Variants in EYS observed in about 807,000 individuals in gnomAD.
The protein encoded by EYS is protein eyes shut homolog.
EYS carries 250 observed loss-of-function variants against 282.1 expected under a neutral mutation model. The observed-to-expected ratio is 0.89, with a 90% CI of 0.80 to 0.98. The LOEUF (loss-of-function observed/expected upper bound fraction) is 0.98, where lower values mean the gene tolerates loss of function less well. Among genes scored for constraint, EYS ranks in the 50% least tolerant of loss-of-function variants. The probability of loss-of-function intolerance (pLI) is 0.00; values close to 1 mark genes in which losing one functional copy is unlikely to be tolerated. For missense variants in EYS, 4,016 were observed against 3,709.0 expected (o/e 1.08, Z -2.15); for synonymous variants, 1,355 against 1,282.9 (o/e 1.06, Z -1.20).
intron 7 of EYS, among the ~76,000 whole-genome samples, chr6:65,398,132 A>T (rs1272696383): frequency 6.6e-6 from 1 of 151,700 alleles, no homozygotes; most frequent in Non-Finnish European, 1.5e-5. Flanking sequence ...GAGGTGTTTG[A>T]GTTTCTTGTA....
chr6:64,930,307 C>T (rs1768671230), intron 15 of EYS, among the ~76,000 whole-genome samples: 1 of 152,146 alleles, frequency 6.6e-6, no homozygotes, highest in South Asian at 2.1e-4. Context: ...TACCTACCCA[C>T]ACATATTTTG....
chr6:64,375,046 G>A (rs1323865068), intron 29 of EYS, among the ~76,000 whole-genome samples: 1 of 152,146 alleles, frequency 6.6e-6, no homozygotes, highest in South Asian at 2.1e-4. Flanking sequence ...AAGTACTAAG[G>A]TTTTGGAGTT....
intron 41 of EYS, among the ~76,000 whole-genome samples, chr6:63,756,598 T>C (rs1391237214): frequency 2.6e-5 from 4 of 152,168 alleles, no homozygotes; most frequent in Admixed American, 6.5e-5. Context: ...TTTTTTGTTG[T>C]GTCTCTGCCA....
intron 8 of EYS, among the ~76,000 whole-genome samples, chr6:65,363,087 T>C (rs1182356139): frequency 6.6e-6 from 1 of 152,020 alleles, no homozygotes; most frequent in African/African-American, 2.4e-5. Context: ...TCTCACATAC[T>C]ACATAGACTT....
At chr6:64,795,893 G>T (rs1414085277) in intron 22 of EYS, among the ~76,000 whole-genome samples, 1 of 152,148 alleles carries the variant, frequency 6.6e-6, no homozygotes, top group East Asian at 1.9e-4. Context: ...TGTACTGAGG[G>T]TTTATGCATT....
chr6:65,507,365 T>C (rs1378521628), intron 2 of EYS, among the ~76,000 whole-genome samples: 4 of 152,162 alleles, frequency 2.6e-5, no homozygotes, highest in Non-Finnish European at 2.9e-5. Flanking sequence ...TCTTTCATTT[T>C]CTGCAGTTTG....
chr6:65,004,631 G>A (rs1400342417), intron 13 of EYS, among the ~76,000 whole-genome samples: 2 of 147,608 alleles, frequency 1.4e-5, no homozygotes, highest in African/African-American at 4.9e-5. Context: ...AGCTTTGCAA[G>A]GTCCAAATTC....
chr6:65,020,506 G>T (rs1240503213), intron 13 of EYS, among the ~76,000 whole-genome samples: 2 of 152,190 alleles, frequency 1.3e-5, no homozygotes, highest in African/African-American at 2.4e-5. Flanking sequence ...TGTCCCTGTG[G>T]TTTTGCAGGG....
intron 30 of EYS, among the ~76,000 whole-genome samples, chr6:64,297,977 C>CAAA (rs34562408): frequency 3.5e-4 from 34 of 96,412 alleles, no homozygotes; most frequent in African/African-American, 8.8e-4. Context: ...GATTCTGTCT[C>CAAA]AAAAAAAAAA....
intron 31 of EYS, among the ~76,000 whole-genome samples, chr6:64,089,232 A>G (rs959656976): frequency 1.3e-5 from 2 of 151,614 alleles, no homozygotes; most frequent in African/African-American, 4.8e-5. Flanking sequence ...ATTTAAATGA[A>G]TATCACCAGT....
intron 26 of EYS, among the ~76,000 whole-genome samples, chr6:64,444,166 G>T (rs1341706574): frequency 1.3e-5 from 2 of 152,034 alleles, no homozygotes; most frequent in African/African-American, 4.8e-5. Flanking sequence ...GTTCTGATTT[G>T]CCTCTTTCTG....
chr6:64,748,693 G>A (rs1430506033), intron 22 of EYS, among the ~76,000 whole-genome samples: 1 of 152,218 alleles, frequency 6.6e-6, no homozygotes, highest in Non-Finnish European at 1.5e-5. Flanking sequence ...AACCAAGTGG[G>A]CTTGGGAAGA....
At chr6:65,292,925 T>G (rs561486896) in intron 12 of EYS, among the ~76,000 whole-genome samples, 1 of 151,828 alleles carries the variant, frequency 6.6e-6, no homozygotes, top group African/African-American at 2.4e-5. Context: ...AAATTTATAA[T>G]ATATAAGATT....
In EYS at chr6:63,963,751, T is replaced by C. The variant is rs144075469; in HGVS notation, c.7055+20632A>G. 1.7e-3 allele frequency among the ~76,000 whole-genome samples: 256 copies of C among 152,318 alleles called. 3 individuals carry two copies. In the East Asian group the frequency reaches 0.023, roughly 14 times the overall value. The stretch of plus-strand genomic sequence containing the variant: ...AGAAGAAAATGACTTGAATATACCA[T>C]TGGAGAATATTTTTTCAGTAGCTTT... On this transcript the variant is annotated intron_variant, in intron 35 of 42. Transcript: ENST00000503581.
intron 13 of EYS, among the ~76,000 whole-genome samples, chr6:65,039,380 C>T (rs926170983): frequency 3.3e-5 from 5 of 151,114 alleles, no homozygotes; most frequent in African/African-American, 1.2e-4. Context: ...TTTTATTTTT[C>T]AAATTAAACA....
intron 26 of EYS, among the ~76,000 whole-genome samples, chr6:64,461,161 A>G (rs1317057888): frequency 1.3e-5 from 2 of 152,212 alleles, no homozygotes; most frequent in Non-Finnish European, 2.9e-5. Flanking sequence ...TATTGAGAAT[A>G]GCTGCTTGTT....
intron 24 of EYS, among the ~76,000 whole-genome samples, chr6:64,594,980 A>G (rs1239967594): frequency 6.6e-6 from 1 of 152,106 alleles, no homozygotes; most frequent in Non-Finnish European, 1.5e-5. Flanking sequence ...CACCAAAACT[A>G]GACAAGAACA....
intron 12 of EYS, among the ~76,000 whole-genome samples, chr6:65,190,718 C>T (rs1233589322): frequency 6.6e-6 from 1 of 151,628 alleles, no homozygotes; most frequent in Non-Finnish European, 1.5e-5. Flanking sequence ...AATCTGTTTC[C>T]CTCTTTTAAT....
chr6:64,235,555 T>C (rs2150340402), intron 30 of EYS, among the ~76,000 whole-genome samples: 1 of 152,248 alleles, frequency 6.6e-6, no homozygotes, highest in South Asian at 2.1e-4. Context: ...AATATATGTG[T>C]GCATGTGTCT....
Sources: allele counts gnomAD v4.1 joint callset (sites outside exome capture counted in the v4.1 genomes callset), GRCh38; gene constraint gnomAD v4.1.1; transcripts MANE v1.5; gene names NCBI Gene and HGNC (gene_info 2026-07-23, HGNC 2026-07-21).